NEB: variants seen among roughly 807,000 people sequenced by gnomAD.
NEB encodes the protein nebulin.
Under a neutral mutation model 952.2 loss-of-function variants are expected in NEB, and 512 were observed. The observed-to-expected ratio is 0.54, with a 90% confidence interval of 0.50 to 0.58. The LOEUF (loss-of-function observed/expected upper bound fraction) is 0.58. Ranked by LOEUF, NEB falls within the 20% of genes least tolerant of loss-of-function variation. The pLI, the probability that NEB is intolerant of heterozygous loss-of-function variation, is 0.00. For synonymous variants in NEB, 2,900 were observed against 3,149.8 expected (o/e 0.92, Z 2.66); for missense variants, 8,428 against 9,231.1 (o/e 0.91, Z 3.56).
intron 13 of NEB, among the ~76,000 whole-genome samples, chr2:151,705,819 G>T (rs1559470809): frequency 6.6e-6 from 1 of 152,146 alleles, no homozygotes; most frequent in Non-Finnish European, 1.5e-5. Context: ...AGTAACTCAG[G>T]AATGAAAAAC....
At chr2:151,508,371 C>T (rs2071034388) in intron 161 of NEB, among the ~76,000 whole-genome samples, 1 of 152,176 alleles carries the variant, frequency 6.6e-6, no homozygotes, top group Admixed American at 6.5e-5. Context: ...AGAGGGGGAA[C>T]CTTGCTAGCT....
chr2:151,707,655 C>A (rs765455080), intron 12 of NEB, among the ~76,000 whole-genome samples: 15 of 152,116 alleles, frequency 9.9e-5, no homozygotes, highest in Admixed American at 2.0e-4. Flanking sequence ...TTCACAAGCC[C>A]CCATCAGGAG....
At position 151,629,409 on chromosome 2, in the gene NEB, T is replaced by C. The variant is rs1177184582; in HGVS notation, c.9831+130A>G. 1.4e-5 allele frequency: 11 copies of C among 798,268 alleles called. No homozygotes were observed. In the Admixed American group the frequency reaches 2.8e-4, roughly 20 times the overall value. 49.4% of individuals were successfully genotyped at this position (798,268 alleles called of 1,614,324 possible). On this transcript the variant is annotated intron_variant, in intron 68 of 181. Transcript: ENST00000397345. ...ATGAGTTTTTTCAAATGAAAAACTT[T>C]GAATTTGAATTTGATTTAGAAAAAC...
chr2:151,676,473 G>T (rs1303910994), intron 34 of NEB, among the ~76,000 whole-genome samples: 1 of 152,114 alleles, frequency 6.6e-6, no homozygotes, highest in Non-Finnish European at 1.5e-5. Context: ...TGATAATGCG[G>T]CTCCATCGAT....
chr2:151,680,788 G>A lies in NEB; in HGVS notation c.2984C>T (p.Ser995Leu), dbSNP rs540324874. 5.0e-6 allele frequency: 8 copies of A among 1,613,362 alleles called. No individual in the cohort carries two copies. The highest frequency in any genetic ancestry group is 2.7e-5 in the African/African-American group (2 of 74,984). ...RQHPDTLKFT[S>L]IEDAPITVQS... ...TACTGTAATTGGAGCATCTTCAATCGAGGTAAACTTGAGGGTGTCTGGATG... is the reference window on the plus strand; with the variant it reads ...TACTGTAATTGGAGCATCTTCAATCAAGGTAAACTTGAGGGTGTCTGGATG... The change falls in exon 30 of 182, where the codon TCG (serine) becomes TTG (leucine). Residue 995 changes from serine (S) to leucine (L), a missense_variant. This residue lies in a region of NEB where 2,851 missense variants were observed against 2,791.5 expected (regional missense o/e 1.02). Transcript: ENST00000397345.
At chr2:151,662,041 C>G in intron 46 of NEB, 94 bp downstream of exon 46, 1 of 1,099,070 alleles carries the variant, frequency 9.1e-7, no homozygotes, top group East Asian at 2.6e-5. Flanking sequence ...GTGTGATGCC[C>G]TATAACTGTA....
At position 151,639,326 on chromosome 2, in the gene NEB, G is replaced by T; in HGVS notation, c.8948C>A (p.Thr2983Lys). The change falls in exon 63 of 182, where the codon ACA (threonine) becomes AAA (lysine). Residue 2983 changes from threonine (T) to lysine (K), a missense_variant. Thr to Lys is a moderately conservative substitution (Grantham distance 78). This residue lies in a region of NEB where 1,772 missense variants were observed against 1,960.3 expected (regional missense o/e 0.90). Coordinates refer to ENST00000397345, the MANE Select transcript of NEB (RefSeq NM_001164508.2). Reference sequence around the variant, plus strand: ...CATTCTTGCCAACATAATTTCTGGTGTGTCTGGCATTATGTGGATCTGAGT... The same window carrying T: ...CATTCTTGCCAACATAATTTCTGGTTTGTCTGGCATTATGTGGATCTGAGT... ...DKTQIHIMPD[T>K]PEIMLARMNK... 6.5e-7 allele frequency: 1 copy of T among 1,545,424 alleles called. No homozygotes were observed.
chr2:151,635,707 CA>C (rs1292764660), intron 64 of NEB, among the ~76,000 whole-genome samples: 148 of 85,998 alleles, frequency 1.7e-3, no homozygotes, highest in South Asian at 2.8e-3. Context: ...ACTCTGTCTC[CA>C]AAAAAAAAAA....
intron 153 of NEB, 41 bp from the exon 154 acceptor site, chr2:151,519,809 A>G: frequency 7.4e-7 from 1 of 1,353,434 alleles, no homozygotes; most frequent in East Asian, 2.3e-5. Context: ...CCTGGACATC[A>G]ATCAATTTGG....
At chr2:151,570,866 A>G (rs1324893176) in intron 107 of NEB, among the ~76,000 whole-genome samples, 2 of 152,162 alleles carry the variant, frequency 1.3e-5, no homozygotes, top group Admixed American at 1.3e-4. Context: ...TTATGGGTAC[A>G]TAGTAGGTAT....
At chr2:151,535,526 C>G (rs1476974382) in intron 142 of NEB, among the ~76,000 whole-genome samples, 165 bp downstream of exon 142, 2 of 152,114 alleles carry the variant, frequency 1.3e-5, no homozygotes, top group African/African-American at 4.8e-5. Context: ...TTTGGCAGAG[C>G]TTGTTGGATG....
At position 151,544,571 on chromosome 2, in the gene NEB, G is replaced by A. The variant is rs138410068; in HGVS notation, c.20577+1317C>T. On this transcript the variant is annotated intron_variant, in intron 135 of 181. Coordinates refer to ENST00000397345, the MANE Select transcript of NEB (RefSeq NM_001164508.2). ...ACAACTTTAGCAGGATAAAAATAAC[G>A]TAAGCGTTCTAGTCTGAGTGCGAGT... Among the ~76,000 whole-genome samples the A allele has an allele frequency of 2.1e-3, 323 of 152,262 alleles. 3 individuals are homozygous for A. In the South Asian group the frequency reaches 0.03, roughly 14 times the overall value.
At position 151,664,826 on chromosome 2, in the gene NEB, G is replaced by A. The variant is rs373721189; in HGVS notation, c.5276C>T (p.Thr1759Ile). 1.4e-5 allele frequency: 22 copies of A among 1,612,858 alleles called. No homozygotes were observed. The African/African-American group carries it at 2.0e-4, about 15-fold the overall frequency. The change falls in exon 43 of 182, where the codon ACC becomes ATC. Residue 1759 changes from threonine to isoleucine, a missense_variant. Thr to Ile is a moderately conservative substitution (Grantham distance 89). Coordinates refer to ENST00000397345, the MANE Select transcript of NEB (RefSeq NM_001164508.2). Reference protein sequence around the residue: ...YTEKWNKDKTTIHVMPDTPDI... With the variant: ...YTEKWNKDKTIIHVMPDTPDI... ...CGGTGTGTCAGGCATGACATGAATG[G>A]TGGTCTTGTCCTTGTTCCATTTTTC...
intron 78 of NEB, among the ~76,000 whole-genome samples, 175 bp downstream of exon 78, chr2:151,612,011 G>A (rs566341392): frequency 3.3e-5 from 5 of 152,288 alleles, no homozygotes; most frequent in East Asian, 1.9e-4. Flanking sequence ...GAATTAGGGG[G>A]CAGGGTGTTG....
chr2:151,643,279 T>C lies in NEB; in HGVS notation c.8031A>G (p.Lys2677=), dbSNP rs1417094848. 1 of 1,613,812 alleles carries C rather than the reference T, an allele frequency of 6.2e-7. No homozygotes were observed. The highest frequency in any genetic ancestry group is 8.5e-7 in the Non-Finnish European group (1 of 1,179,854). ...TCAAAATCTGGGTGGCTCGTTTATT[T>C]TTCTCATCCTCGAGAGAACCACTAG... is the stretch of plus-strand genomic sequence containing the variant. ...WMTSGSLEDE[K]NKRATQILSD... Residue 2677 remains lysine, a synonymous_variant, in exon 58 of 182, where the codon AAA becomes AAG. Coordinates refer to ENST00000397345, the MANE Select transcript of NEB (RefSeq NM_001164508.2).
intron 124 of NEB, among the ~76,000 whole-genome samples, chr2:151,557,895 A>G (rs2095771881): frequency 6.6e-6 from 1 of 152,202 alleles, no homozygotes; most frequent in Non-Finnish European, 1.5e-5. Flanking sequence ...ATTTATAACA[A>G]ACCCACAGCC....
At chr2:151,638,961 T>C (rs933655669) in intron 63 of NEB, among the ~76,000 whole-genome samples, 1 of 152,188 alleles carries the variant, frequency 6.6e-6, no homozygotes, top group Non-Finnish European at 1.5e-5. Context: ...ACTACAGTTA[T>C]GCTTTAGCAT....
At position 151,642,169 on chromosome 2, in the gene NEB, T is replaced by C. The variant is rs1396844672; in HGVS notation, c.8373+405A>G. 4.6e-5 allele frequency among the ~76,000 whole-genome samples: 7 copies of C among 152,356 alleles called. No individual in the cohort carries two copies. The South Asian group carries it at 6.2e-4, about 14-fold the overall frequency. On this transcript the variant is annotated intron_variant, in intron 60 of 181. Coordinates refer to ENST00000397345, the MANE Select transcript of NEB (RefSeq NM_001164508.2). ...AAACAAACATGTTCCACAGGAATCG[T>C]TGAACTTTGAGTAATGTGTCCTATA... is the stretch of plus-strand genomic sequence containing the variant.
At position 151,650,309 on chromosome 2, in the gene NEB, T is replaced by C; in HGVS notation, c.7298A>G (p.Glu2433Gly). 6.2e-7 allele frequency: 1 copy of C among 1,613,972 alleles called. No individual in the cohort carries two copies. The highest frequency in any genetic ancestry group is 8.5e-7 in the Non-Finnish European group (1 of 1,179,870). The change falls in exon 54 of 182, where the codon GAA becomes GGA. Residue 2433 changes from glutamate (E) to glycine (G), a missense_variant. Glu to Gly is a moderately conservative substitution (Grantham distance 98). Transcript: ENST00000397345. ...GATTTCCGAAGCCCGCTTGTTCTTT[T>C]CTGCCTCTAAAGAACCCAAGGGACT... ...GWSPLGSLEA[E>G]KNKRASEIIS... is the part of the protein sequence containing the mutation.
Sources: gnomAD v4.1 joint callset for allele counts (sites outside exome capture counted in the v4.1 genomes callset) on GRCh38, gnomAD v4.1.1 for gene constraint, gnomAD v4.1.1 regional missense constraint, MANE v1.5 for transcripts, NCBI Gene and HGNC (gene_info 2026-07-23, HGNC 2026-07-21) for gene names.